The following TGFBRAP1 variants were observed in gnomAD, a reference collection of about 807,000 sequenced individuals.
TGFBRAP1 encodes transforming growth factor-beta receptor-associated protein 1.
Under a neutral mutation model 83.2 loss-of-function variants are expected in TGFBRAP1, and 20 were observed. The ratio of observed to expected loss-of-function variants is 0.24; its 90% CI spans 0.17 to 0.35. The LOEUF (loss-of-function observed/expected upper bound fraction) is 0.35, where lower values mean the gene tolerates loss of function less well. TGFBRAP1 is among the 10% of genes least tolerant of loss of function. The pLI is 1.00. For synonymous variants in TGFBRAP1, 415 were observed against 459.8 expected, an observed-to-expected ratio of 0.90 and a Z score of 1.25; for missense variants, 950 against 1,099.4, an observed-to-expected ratio of 0.86 and a Z score of 1.92.
intron 4 of TGFBRAP1, among the ~76,000 whole-genome samples, chr2:105,288,177 C>A (rs1160451204): frequency 3.9e-5 from 6 of 152,154 alleles, no homozygotes; most frequent in Non-Finnish European, 1.5e-5. Context: ...AGAAAGATGA[C>A]AACCACAACC....
At chr2:105,282,577 C>G (rs1677578248) in intron 5 of TGFBRAP1, among the ~76,000 whole-genome samples, 1 of 152,234 alleles carries the variant, frequency 6.6e-6, no homozygotes, top group South Asian at 2.1e-4. Flanking sequence ...GTGATCTCAC[C>G]ACTTTGGGAG....
chr2:105,284,156 G>A (rs1193225092), intron 5 of TGFBRAP1, among the ~76,000 whole-genome samples, 160 bp downstream of exon 5: 1 of 152,140 alleles, frequency 6.6e-6, no homozygotes, highest in African/African-American at 2.4e-5. Flanking sequence ...TGAGGAACCA[G>A]CATTGGCGGG....
intron 2 of TGFBRAP1, among the ~76,000 whole-genome samples, chr2:105,305,548 C>CA (rs1678466571): frequency 6.6e-6 from 1 of 152,020 alleles, no homozygotes; most frequent in Non-Finnish European, 1.5e-5. Flanking sequence ...GAGCTAGCTA[C>CA]AAAAAACTTT....
downstream of TGFBRAP1, among the ~76,000 whole-genome samples, chr2:105,263,808 C>T (rs1327811079): frequency 6.6e-6 from 1 of 152,072 alleles, no homozygotes; most frequent in Non-Finnish European, 1.5e-5. Context: ...ATCACTTGGA[C>T]CCGGGAGGTG....
chr2:105,314,963 A>AG (rs942745382), intron 1 of TGFBRAP1, among the ~76,000 whole-genome samples: 2 of 151,690 alleles, frequency 1.3e-5, no homozygotes, highest in African/African-American at 2.4e-5. Context: ...AAAAAAAAAA[A>AG]AAAGAAAGAA....
At chr2:105,272,809 G>A in intron 10 of TGFBRAP1, 46 bp downstream of exon 10, 2 of 1,601,448 alleles carry the variant, frequency 1.2e-6, no homozygotes, top group East Asian at 2.2e-5. Flanking sequence ...CCACCCGCTT[G>A]ATATGAGTTT....
intron 4 of TGFBRAP1, among the ~76,000 whole-genome samples, chr2:105,286,016 A>C (rs112635371): frequency 0.017 from 2,602 of 152,336 alleles, 44 homozygotes; most frequent in Non-Finnish European, 0.028. Context: ...CATCAGCTGC[A>C]GTAGAAGAAT....
chr2:105,321,912 C>T (rs1197886446), intron 1 of TGFBRAP1, among the ~76,000 whole-genome samples: 1 of 152,188 alleles, frequency 6.6e-6, no homozygotes, highest in Non-Finnish European at 1.5e-5. Flanking sequence ...TATGTATTTA[C>T]TCCACTACAC....
chr2:105,317,998 A>G lies in TGFBRAP1; in HGVS notation c.-17-9680T>C, dbSNP rs80147216. 1.2e-3 allele frequency among the ~76,000 whole-genome samples: 176 copies of G among 152,352 alleles called. 5 individuals carry two copies. In the East Asian group the frequency reaches 0.032, roughly 27 times the overall value. The stretch of plus-strand genomic sequence containing the variant: ...CAACATGAGGTGTTCCTAAGAACAC[A>G]GCACAATGAGGAGGCTCCACCATGC... On this transcript the variant is annotated intron_variant, in intron 1 of 11. Coordinates refer to ENST00000393359, the MANE Select transcript of TGFBRAP1 (RefSeq NM_004257.6).
intron 4 of TGFBRAP1, among the ~76,000 whole-genome samples, chr2:105,286,087 G>T (rs1039698487): frequency 1.3e-5 from 2 of 152,126 alleles, no homozygotes; most frequent in Non-Finnish European, 2.9e-5. Flanking sequence ...CCTTATGGCG[G>T]TAGGATTCAA....
intron 6 of TGFBRAP1, among the ~76,000 whole-genome samples, chr2:105,279,461 GT>G (rs575655910): frequency 3.3e-5 from 5 of 151,912 alleles, no homozygotes; most frequent in Admixed American, 3.3e-4. Flanking sequence ...AGATCTTACT[GT>G]GTTGCCCAAG....
intron 1 of TGFBRAP1, among the ~76,000 whole-genome samples, chr2:105,313,075 G>A (rs1186916534): frequency 1.3e-5 from 2 of 151,840 alleles, no homozygotes; most frequent in Non-Finnish European, 2.9e-5. Context: ...TCGCGCCACT[G>A]CACTCCAGCC....
At chr2:105,321,650 T>C (rs2679876) in intron 1 of TGFBRAP1, among the ~76,000 whole-genome samples, 109,743 of 152,140 alleles carry the variant, frequency 0.72, 39,806 homozygotes, top group East Asian at 0.82. Flanking sequence ...TGGCGTGCTG[T>C]ATAATGACAT....
chr2:105,290,797 G>A (rs540456566), intron 4 of TGFBRAP1, among the ~76,000 whole-genome samples: 2 of 152,226 alleles, frequency 1.3e-5, no homozygotes, highest in South Asian at 2.1e-4. Context: ...CTGAGGTCAG[G>A]AGTTCGAGAC....
chr2:105,256,371 T>C, the TGFBRAP1 span, among the ~76,000 whole-genome samples: 1 of 152,170 alleles, frequency 6.6e-6, no homozygotes, highest in African/African-American at 2.4e-5. Flanking sequence ...CGCTCACTTC[T>C]AGGGTTGGTC....
intron 4 of TGFBRAP1, among the ~76,000 whole-genome samples, chr2:105,290,119 T>C (rs1487274092): frequency 6.6e-6 from 1 of 152,232 alleles, no homozygotes; most frequent in Non-Finnish European, 1.5e-5. Context: ...AGTCCAGTGG[T>C]GCAGTGGCAC....
Position 105,280,486 on chromosome 2 carries a change from G to A in TGFBRAP1, c.1359C>T (p.Leu453=). The A allele has an allele frequency of 6.2e-7, 1 of 1,614,182 alleles. No individual in the cohort carries two copies. The highest frequency in any genetic ancestry group is 1.1e-5 in the South Asian group (1 of 91,070). Residue 453 remains leucine, a synonymous_variant, in exon 6 of 12, where the codon CTC becomes CTT. Transcript: ENST00000393359. Reference sequence around the variant, plus strand: ...CGTGGTCAGCCTCTGCATACAGTTTGAGCAAGGCTGTGTCGATGTCCTCCT... The same window carrying A: ...CGTGGTCAGCCTCTGCATACAGTTTAAGCAAGGCTGTGTCGATGTCCTCCT... ...GYKEDIDTAL[L]KLYAEADHDS... is the part of the protein sequence containing the mutation.
intron 11 of TGFBRAP1, among the ~76,000 whole-genome samples, chr2:105,268,764 C>T (rs536531688): frequency 2.0e-5 from 3 of 152,294 alleles, no homozygotes; most frequent in African/African-American, 7.2e-5. Flanking sequence ...AGAAGTCTCC[C>T]GAAGGTGAGT....
chr2:105,315,694 C>T (rs955213150), intron 1 of TGFBRAP1, among the ~76,000 whole-genome samples: 7 of 152,042 alleles, frequency 4.6e-5, no homozygotes, highest in South Asian at 2.1e-4. Flanking sequence ...TTAAAAAGAT[C>T]GACAACACCA....
Sources: allele counts gnomAD v4.1 joint callset (sites outside exome capture counted in the v4.1 genomes callset), GRCh38; gene constraint gnomAD v4.1.1; transcripts MANE v1.5; gene names NCBI Gene and HGNC (gene_info 2026-07-23, HGNC 2026-07-21).